SDK1: variants seen among roughly 807,000 people sequenced by gnomAD.
SDK1 encodes the protein protein sidekick-1.
A neutral mutation model predicts 245.5 loss-of-function variants in SDK1; 157 were observed. The ratio of observed to expected loss-of-function variants is 0.64; its 90% CI spans 0.56 to 0.73. The LOEUF is 0.73. Among genes scored for constraint, SDK1 ranks in the 30% least tolerant of loss-of-function variants. SDK1 has a pLI of 0.00. For synonymous variants in SDK1, 1,647 were observed against 1,278.5 expected (o/e 1.29, Z -6.15); for missense variants, 3,583 against 3,002.3 (o/e 1.19, Z -4.52).
At chr7:4,165,895 T>C (rs1169356974) in intron 32 of SDK1, among the ~76,000 whole-genome samples, 3 of 152,094 alleles carry the variant, frequency 2.0e-5, no homozygotes, top group African/African-American at 7.2e-5. Flanking sequence ...CAAGCAATCC[T>C]CCCACCTCAG....
At chr7:4,022,661 T>C (rs1786996187) in intron 17 of SDK1, among the ~76,000 whole-genome samples, 1 of 152,122 alleles carries the variant, frequency 6.6e-6, no homozygotes, top group Non-Finnish European at 1.5e-5. Flanking sequence ...GTCTCAAATG[T>C]GTTTCCTTCC....
intron 1 of SDK1, among the ~76,000 whole-genome samples, chr7:3,445,893 C>G (rs772188696): frequency 2.6e-5 from 4 of 151,852 alleles, no homozygotes; most frequent in Non-Finnish European, 5.9e-5. Flanking sequence ...TCTCTTATCA[C>G]TTTTGTTTTT....
intron 1 of SDK1, among the ~76,000 whole-genome samples, chr7:3,498,781 A>G (rs146341908): frequency 3.6e-3 from 542 of 151,268 alleles, no homozygotes; most frequent in Non-Finnish European, 5.0e-3. Context: ...CTCATCCACA[A>G]TCAAGACTTC....
intron 1 of SDK1, among the ~76,000 whole-genome samples, chr7:3,304,265 C>T (rs772081135): frequency 6.6e-6 from 1 of 152,154 alleles, no homozygotes; most frequent in Admixed American, 6.5e-5. Context: ...GTGACTTTCC[C>T]GGATTCCTAA....
At chr7:3,627,219 A>T (rs536079944) in intron 2 of SDK1, among the ~76,000 whole-genome samples, 3 of 152,282 alleles carry the variant, frequency 2.0e-5, no homozygotes, top group Admixed American at 6.5e-5. Context: ...GTGAGCTGCC[A>T]TGTCCAGCCA....
intron 1 of SDK1, among the ~76,000 whole-genome samples, chr7:3,411,492 T>C (rs1195300579): frequency 6.6e-6 from 1 of 152,330 alleles, no homozygotes; most frequent in East Asian, 1.9e-4. Flanking sequence ...TTTCAGTTCA[T>C]GTTTTACCAA....
At chr7:3,745,777 T>C (rs1438732740) in intron 4 of SDK1, among the ~76,000 whole-genome samples, 1 of 152,200 alleles carries the variant, frequency 6.6e-6, no homozygotes, top group Non-Finnish European at 1.5e-5. Context: ...AGTAACACTA[T>C]TGGCAAAGAA....
chr7:3,336,503 C>T (rs1045120626), intron 1 of SDK1, among the ~76,000 whole-genome samples: 1 of 152,168 alleles, frequency 6.6e-6, no homozygotes, highest in African/African-American at 2.4e-5. Context: ...TTACACTTGA[C>T]CTCTTCCATC....
chr7:3,665,086 G>A (rs963749324), intron 4 of SDK1, among the ~76,000 whole-genome samples: 3 of 152,174 alleles, frequency 2.0e-5, no homozygotes, highest in African/African-American at 7.2e-5. Context: ...GTAAGAAAGA[G>A]TGGACTCTCT....
chr7:4,199,548 G>C (rs1584427604), intron 35 of SDK1, among the ~76,000 whole-genome samples: 1 of 152,328 alleles, frequency 6.6e-6, no homozygotes, highest in Non-Finnish European at 1.5e-5. Flanking sequence ...TTGTTATCGT[G>C]AGTCTGAAGC....
chr7:4,106,842 A>G (rs1306631947), intron 22 of SDK1, among the ~76,000 whole-genome samples: 1 of 151,216 alleles, frequency 6.6e-6, no homozygotes, highest in Non-Finnish European at 1.5e-5. Flanking sequence ...TGCCCTGACC[A>G]CCGCTGACCC....
chr7:3,477,873 G>C (rs1050636629), intron 1 of SDK1, among the ~76,000 whole-genome samples: 3 of 152,100 alleles, frequency 2.0e-5, no homozygotes, highest in Admixed American at 1.3e-4. Context: ...AATTTTATCT[G>C]TATTTCCTCT....
chr7:4,142,771 C>G (rs554137717), intron 28 of SDK1, among the ~76,000 whole-genome samples: 6 of 152,338 alleles, frequency 3.9e-5, no homozygotes, highest in African/African-American at 1.4e-4. Flanking sequence ...CTGCTTTGCA[C>G]TCTTTACCTG....
chr7:3,898,534 A>G (rs149698084), intron 5 of SDK1, among the ~76,000 whole-genome samples: 2 of 152,052 alleles, frequency 1.3e-5, no homozygotes, highest in East Asian at 1.9e-4. Flanking sequence ...TTGGTTTTAG[A>G]CTCGGTACAT....
chr7:4,217,793 TTAAA>T (rs1416514806), intron 38 of SDK1, among the ~76,000 whole-genome samples: 1 of 152,026 alleles, frequency 6.6e-6, no homozygotes, highest in African/African-American at 2.4e-5. Flanking sequence ...TAAAAATTGA[TTAAA>T]TAAATAAAAT....
chr7:4,212,563 T>C (rs1784564275), intron 38 of SDK1, among the ~76,000 whole-genome samples: 2 of 152,220 alleles, frequency 1.3e-5, no homozygotes, highest in Non-Finnish European at 2.9e-5. Flanking sequence ...CCAGGATCTG[T>C]TGTGACCTTC....
chr7:3,361,790 A>G (rs1780960107), intron 1 of SDK1, among the ~76,000 whole-genome samples: 1 of 152,154 alleles, frequency 6.6e-6, no homozygotes. Context: ...GTGCGTTTCT[A>G]TTCTCAATCA....
chr7:4,022,776 C>CTTTT lies in SDK1; in HGVS notation c.2602+5436_2602+5439dup, dbSNP rs770558246. Among the ~76,000 whole-genome samples, 648 of 138,134 alleles carry CTTTT rather than the reference C, an allele frequency of 4.7e-3. 7 individuals are homozygous for CTTTT. Among genetic ancestry groups the CTTTT allele is most frequent in the South Asian group, 0.03 (130 of 4,296 alleles). The allele number at this position is 138,134 out of a possible 152,430, so 90.6% of individuals were successfully genotyped here. ...TCGTTTTTCTTTTCTTTCTTTCTTT[C>CTTTT]TTTTTTTTTTTTTTTGAGACAGAGT... On this transcript the variant is annotated intron_variant, in intron 17 of 44. Transcript: ENST00000404826.
chr7:3,957,367 T>A (rs1412459184), intron 7 of SDK1, among the ~76,000 whole-genome samples: 5 of 152,318 alleles, frequency 3.3e-5, no homozygotes, highest in African/African-American at 1.2e-4. Flanking sequence ...GATGTTATGC[T>A]ATCGTTTTTT....
Sources: allele counts gnomAD v4.1 joint callset (sites outside exome capture counted in the v4.1 genomes callset), GRCh38; gene constraint gnomAD v4.1.1; transcripts MANE v1.5; gene names NCBI Gene and HGNC (gene_info 2026-07-23, HGNC 2026-07-21).